Variants in PLA2G4C observed in about 807,000 individuals in gnomAD.
PLA2G4C encodes the protein cytosolic phospholipase A2 gamma.
In PLA2G4C, 64 loss-of-function variants were observed where a neutral mutation model predicts 73.8. The ratio of observed to expected loss-of-function variants is 0.87; its 90% CI spans 0.71 to 1.07. PLA2G4C has a LOEUF of 1.07. Ranked by LOEUF, PLA2G4C falls within the 50% of genes least tolerant of loss-of-function variation. PLA2G4C has a pLI of 0.00. For missense variants in PLA2G4C, 622 were observed against 665.4 expected, an observed-to-expected ratio of 0.93 and a Z score of 0.72; for synonymous variants, 254 against 252.1, an observed-to-expected ratio of 1.01 and a Z score of -0.07.
intron 10 of PLA2G4C, among the ~76,000 whole-genome samples, chr19:48,083,438 CTTTTTCT>C (rs2030763687): frequency 2.5e-5 from 1 of 40,440 alleles, no homozygotes; most frequent in Non-Finnish European, 5.9e-5. Context: ...TTTTCTTTTT[CTTTTTCT>C]TTTTTCTTTT....
Position 48,056,167 on chromosome 19 carries a change from T to TA in PLA2G4C, c.1258-1119dup, listed in dbSNP as rs947993420. Among the ~76,000 whole-genome samples, 103 of 152,208 alleles carry TA rather than the reference T, an allele frequency of 6.8e-4. 1 individual carries two copies. The highest frequency in any genetic ancestry group is 2.4e-3 in the African/African-American group (100 of 41,530). The stretch of plus-strand genomic sequence containing the variant: ...ACTGTAGCACTGAGGTTACTAAACT[T>TA]ACATAAAACACATCTCAGTCTCTGT... On this transcript the variant is annotated intron_variant, in intron 14 of 16. Transcript: ENST00000599921.
intron 10 of PLA2G4C, among the ~76,000 whole-genome samples, chr19:48,083,392 CTTTTTTT>C: frequency 9.4e-6 from 1 of 105,838 alleles, no homozygotes; most frequent in Non-Finnish European, 1.9e-5. Context: ...ATTTTCTTTT[CTTTTTTT>C]TTTTTTTTTT....
chr19:48,051,146 A>G (rs559978499), intron 16 of PLA2G4C, among the ~76,000 whole-genome samples: 45 of 152,306 alleles, frequency 3.0e-4, no homozygotes, highest in Non-Finnish European at 5.1e-4. Flanking sequence ...TGATAGAAGC[A>G]AGAGGCTGAA....
intron 6 of PLA2G4C, among the ~76,000 whole-genome samples, chr19:48,097,607 G>C (rs1302078801): frequency 6.7e-6 from 1 of 150,248 alleles, no homozygotes; most frequent in Non-Finnish European, 1.5e-5. Context: ...TCTTCTTTTT[G>C]GGGGGACAGG....
chr19:48,074,760 A>G lies in PLA2G4C; in HGVS notation c.1006+7T>C. ...GTTGATGACACTTATCACACTACAC[A>G]TGGTACCTTTCCTTTCGGGGTCCTC... On this transcript the variant is annotated splice_region_variant and intron_variant, in intron 12 of 16. Coordinates refer to ENST00000599921, the MANE Select transcript of PLA2G4C (RefSeq NM_003706.3). 6.3e-7 allele frequency: 1 copy of G among 1,592,960 alleles called. No homozygotes were observed. Among genetic ancestry groups the G allele is most frequent in the Non-Finnish European group, 8.6e-7 (1 of 1,160,838 alleles).
At chr19:48,051,571 G>A (rs1056786739) in intron 16 of PLA2G4C, among the ~76,000 whole-genome samples, 1 of 15,866 alleles carries the variant, frequency 6.3e-5, no homozygotes, top group African/African-American at 7.5e-5. Flanking sequence ...GAGAGAGATC[G>A]AGAGAGAGAG....
At chr19:48,074,147 C>G (rs1226308459) in intron 12 of PLA2G4C, among the ~76,000 whole-genome samples, 1 of 151,968 alleles carries the variant, frequency 6.6e-6, no homozygotes, top group Non-Finnish European at 1.5e-5. Context: ...CCACCCGCCC[C>G]CAACAGGCCC....
In PLA2G4C at chr19:48,067,906, C is replaced by G; in HGVS notation, c.1007-20G>C. 1.3e-6 allele frequency: 2 copies of G among 1,560,630 alleles called. No homozygotes were observed. Among genetic ancestry groups the G allele is most frequent in the Non-Finnish European group, 1.8e-6 (2 of 1,131,142 alleles). The stretch of plus-strand genomic sequence containing the variant: ...GTGAGCCTAGGGAAAGAAGCCGAGA[C>G]AGCCAAGGTGAGTTCAGGAGACTGA... On this transcript the variant is annotated intron_variant, in intron 12 of 16. Coordinates refer to ENST00000599921, the MANE Select transcript of PLA2G4C (RefSeq NM_003706.3).
Position 48,098,149 on chromosome 19 carries a change from T to C in PLA2G4C, c.558A>G (p.Ala186=), listed in dbSNP as rs375438317. 1 of 1,613,676 alleles carries C rather than the reference T, an allele frequency of 6.2e-7. No individual in the cohort carries two copies. Among genetic ancestry groups the C allele is most frequent in the African/African-American group, 1.3e-5 (1 of 75,014 alleles). Residue 186 remains alanine, a synonymous_variant, in exon 6 of 17, where the codon GCA becomes GCG. Coordinates refer to ENST00000599921, the MANE Select transcript of PLA2G4C (RefSeq NM_003706.3). ...TAAATGTTTGCTTACCTGGTGCTCT[T>C]GCCTCCTGCCAGGAAGGTTGCAGGT... ...DNDLQPSWQE[A]RAPETWFEFT...
intron 10 of PLA2G4C, among the ~76,000 whole-genome samples, chr19:48,082,777 G>T (rs1222146343): frequency 6.6e-6 from 1 of 150,540 alleles, no homozygotes; most frequent in Non-Finnish European, 1.5e-5. Context: ...GGGATTACAG[G>T]CGTGAGCCAC....
chr19:48,089,814 C>T (rs944255577), intron 8 of PLA2G4C, among the ~76,000 whole-genome samples: 2 of 152,112 alleles, frequency 1.3e-5, no homozygotes, highest in Non-Finnish European at 2.9e-5. Flanking sequence ...GATCCACCAC[C>T]CAGTTCTCCT....
chr19:48,084,215 A>T (rs911035903), intron 10 of PLA2G4C, among the ~76,000 whole-genome samples: 4 of 151,842 alleles, frequency 2.6e-5, no homozygotes, highest in Non-Finnish European at 4.4e-5. Context: ...GTGCACCACC[A>T]TACTTGGCTA....
intron 13 of PLA2G4C, among the ~76,000 whole-genome samples, chr19:48,063,278 G>C (rs895450281): frequency 6.6e-6 from 1 of 152,084 alleles, no homozygotes; most frequent in East Asian, 1.9e-4. Flanking sequence ...TCCTGACCTC[G>C]TGATCTACCC....
At chr19:48,098,117 C>T (rs1393168136) in intron 6 of PLA2G4C, 22 bp downstream of exon 6, 1 of 1,611,160 alleles carries the variant, frequency 6.2e-7, no homozygotes, top group Non-Finnish European at 8.5e-7. Context: ...CTACCTCTCC[C>T]TCCCTCTAAA....
intron 10 of PLA2G4C, among the ~76,000 whole-genome samples, chr19:48,083,392 C>CTTTT: frequency 7.6e-5 from 8 of 105,808 alleles, no homozygotes; most frequent in East Asian, 2.8e-4. Context: ...ATTTTCTTTT[C>CTTTT]TTTTTTTTTT....
rs1568457887 is a variant in PLA2G4C at position 48,105,998 on chromosome 19, T to TTC, written c.8+522_8+523dup. Among the ~76,000 whole-genome samples, 63 of 100,380 alleles carry TTC rather than the reference T, an allele frequency of 6.3e-4. 2 individuals are homozygous for TTC. Among genetic ancestry groups the TTC allele is most frequent in the African/African-American group, 2.4e-3 (62 of 25,584 alleles). The allele number at this position is 100,380 out of a possible 152,430, so 65.9% of individuals were successfully genotyped here. On this transcript the variant is annotated intron_variant, in intron 2 of 16. Transcript: ENST00000599921. ...TCTTTCTTTCTTTCTTTCTTTCTCTTTCTCTCTCTCTTTTTTGAGACAGAG... is the reference window on the plus strand; with the variant it reads ...TCTTTCTTTCTTTCTTTCTTTCTCTTTCTCTCTCTCTCTTTTTTGAGACAGAG...
intron 16 of PLA2G4C, among the ~76,000 whole-genome samples, chr19:48,051,640 C>T (rs112346783): frequency 0.014 from 2,070 of 152,000 alleles, 61 homozygotes; most frequent in African/African-American, 0.046. Flanking sequence ...CTCACTCTCA[C>T]GAGAACAGCA....
intron 4 of PLA2G4C, among the ~76,000 whole-genome samples, chr19:48,100,839 G>A (rs867507023): frequency 3.5e-4 from 52 of 148,816 alleles, no homozygotes; most frequent in African/African-American, 5.5e-4. Flanking sequence ...GCGTGAACCC[G>A]GGAGGCTGAG....
intron 3 of PLA2G4C, among the ~76,000 whole-genome samples, chr19:48,105,083 A>AG (rs1491232870): frequency 1.9e-3 from 50 of 26,072 alleles, no homozygotes; most frequent in African/African-American, 0.011. Flanking sequence ...ACGTTGTCTC[A>AG]AAAAAAAAAA....
Sources: allele counts gnomAD v4.1 joint callset (sites outside exome capture counted in the v4.1 genomes callset), GRCh38; gene constraint gnomAD v4.1.1; transcripts MANE v1.5; gene names NCBI Gene and HGNC (gene_info 2026-07-23, HGNC 2026-07-21).